JHY: variants seen among roughly 807,000 people sequenced by gnomAD.
The protein encoded by JHY is junctional cadherin complex regulator.
A neutral mutation model predicts 78.0 loss-of-function variants in JHY; 69 were observed. That is an observed-to-expected ratio of 0.88 (90% confidence interval 0.73 to 1.08). JHY has a LOEUF of 1.08. Among genes scored for constraint, JHY ranks in the 50% least tolerant of loss-of-function variants. JHY has a pLI of 0.00. For missense variants in JHY, 944 were observed against 927.8 expected, an observed-to-expected ratio of 1.02 and a Z score of -0.23; for synonymous variants, 368 against 342.6, an observed-to-expected ratio of 1.07 and a Z score of -0.82.
intron 3 of JHY, among the ~76,000 whole-genome samples, chr11:122,909,420 T>C (rs1463704647): frequency 6.6e-6 from 1 of 152,220 alleles, no homozygotes; most frequent in Non-Finnish European, 1.5e-5. Context: ...TGCAAATTAC[T>C]AAACCTCTCT....
intron 5 of JHY, among the ~76,000 whole-genome samples, chr11:122,936,426 CTT>C (rs761664487): frequency 1.4e-5 from 2 of 142,898 alleles, no homozygotes; most frequent in Admixed American, 7.0e-5. Flanking sequence ...GCATCTTTGT[CTT>C]TTTTTTTTTT....
intron 8 of JHY, among the ~76,000 whole-genome samples, chr11:122,958,334 A>G (rs1565341757): frequency 6.6e-6 from 1 of 152,212 alleles, no homozygotes; most frequent in Non-Finnish European, 1.5e-5. Context: ...TCTTTCACAG[A>G]CCATCATATT....
chr11:122,923,799 C>A (rs768632489), intron 3 of JHY, among the ~76,000 whole-genome samples: 1 of 151,686 alleles, frequency 6.6e-6, no homozygotes, highest in African/African-American at 2.4e-5. Flanking sequence ...CTGACAGCAA[C>A]CTCCGCCTCC....
intron 3 of JHY, among the ~76,000 whole-genome samples, chr11:122,916,813 A>G (rs1038713969): frequency 6.6e-6 from 1 of 151,830 alleles, no homozygotes; most frequent in Non-Finnish European, 1.5e-5. Flanking sequence ...TAAATTTTGT[A>G]TTTTTAGTAG....
rs772352861 is a variant in JHY, at chr11:122,886,190, A to T, written c.341A>T (p.Asn114Ile). The T allele has an allele frequency of 1.2e-6, 2 of 1,607,710 alleles. No homozygotes were observed. The highest frequency in any genetic ancestry group is 2.7e-5 in the African/African-American group (2 of 74,788). The change falls in exon 2 of 9, where the codon AAC becomes ATC. Residue 114 changes from asparagine (N) to isoleucine (I), a missense_variant. Asn to Ile is a moderately radical substitution (Grantham distance 149). Transcript: ENST00000227349. The part of the protein sequence containing the change: ...NHHTWDQGAN[N>I]RQQPIEDKYS... Reference sequence around the variant, plus strand: ...CATACCTGGGACCAGGGCGCCAATAACAGGTAAGGAATTGGCTTGTGTAAG... The same window carrying T: ...CATACCTGGGACCAGGGCGCCAATATCAGGTAAGGAATTGGCTTGTGTAAG...
At chr11:122,888,284 T>C (rs1388482513) in intron 2 of JHY, among the ~76,000 whole-genome samples, 1 of 152,186 alleles carries the variant, frequency 6.6e-6, no homozygotes, top group African/African-American at 2.4e-5. Context: ...AGGAAGATTA[T>C]TATGCAAGCT....
In JHY at chr11:122,923,512, C is replaced by G. The variant is rs1450895601; in HGVS notation, c.865-1385C>G. ...AGATTGCATAACTTTAAGTTTGCTT[C>G]CTGCAGTACATCCTGATGGCTGGAA... On this transcript the variant is annotated intron_variant, in intron 3 of 8. Coordinates refer to ENST00000227349, the MANE Select transcript of JHY (RefSeq NM_024806.4). Among the ~76,000 whole-genome samples, 3 of 152,108 alleles carry G rather than the reference C, an allele frequency of 2.0e-5. No homozygotes were observed. The East Asian group carries it at 5.8e-4, about 29-fold the overall frequency.
intron 3 of JHY, among the ~76,000 whole-genome samples, chr11:122,922,142 G>A (rs1459864602): frequency 6.6e-6 from 1 of 152,190 alleles, no homozygotes; most frequent in Non-Finnish European, 1.5e-5. Flanking sequence ...AGAATTTCAT[G>A]ATCAAACAGT....
intron 3 of JHY, chr11:122,905,250 G>A (rs1862963272): frequency 1.9e-6 from 3 of 1,613,918 alleles, no homozygotes; most frequent in Non-Finnish European, 2.5e-6. Context: ...CCATTTCACA[G>A]GTGCACATAA....
chr11:122,901,293 A>G (rs1471292745), intron 2 of JHY, among the ~76,000 whole-genome samples: 1 of 152,210 alleles, frequency 6.6e-6, no homozygotes, highest in African/African-American at 2.4e-5. Context: ...TCTCTGGGTG[A>G]GGCAGTGCGT....
chr11:122,913,442 CT>C lies in JHY; in HGVS notation c.864+8999del, dbSNP rs571342024. ...TGTTACCTTCAAAATAAAACTCAAA[CT>C]CTGAGTGGTACGAAAGGCCCTTCCT... On this transcript the variant is annotated intron_variant, in intron 3 of 8. Coordinates refer to ENST00000227349, the MANE Select transcript of JHY (RefSeq NM_024806.4). Among the ~76,000 whole-genome samples, 337 of 152,266 alleles carry C rather than the reference CT, an allele frequency of 2.2e-3. 1 individual carries two copies. The highest frequency in any genetic ancestry group is 7.8e-3 in the African/African-American group (323 of 41,530).
chr11:122,892,307 G>A (rs1862634847), intron 2 of JHY, among the ~76,000 whole-genome samples: 1 of 151,556 alleles, frequency 6.6e-6, no homozygotes, highest in African/African-American at 2.4e-5. Context: ...AAAAAAAAAA[G>A]GGACTCATAA....
intron 7 of JHY, 93 bp downstream of exon 7, chr11:122,956,669 T>G: frequency 1.0e-6 from 1 of 1,004,212 alleles, no homozygotes; most frequent in Non-Finnish European, 1.5e-6. Context: ...AATTAAACCC[T>G]AATTCAAATG....
At position 122,904,449 on chromosome 11, in the gene JHY, G is replaced by C. The variant is rs762339764; in HGVS notation, c.864+5G>C. Reference sequence around the variant, plus strand: ...GGGGAATCTCATCCAGAACAGGTACGTAGTGGCTACTTTAAAATGTCTTCT... The same window carrying C: ...GGGGAATCTCATCCAGAACAGGTACCTAGTGGCTACTTTAAAATGTCTTCT... On this transcript the variant is annotated splice_donor_5th_base_variant and intron_variant, in intron 3 of 8. Coordinates refer to ENST00000227349, the MANE Select transcript of JHY (RefSeq NM_024806.4). 13 of 1,596,860 alleles carry C rather than the reference G, an allele frequency of 8.1e-6. No homozygotes were observed. The South Asian group carries it at 1.2e-4, about 15-fold the overall frequency.
chr11:122,887,762 G>C (rs548006207), intron 2 of JHY, among the ~76,000 whole-genome samples: 1 of 152,230 alleles, frequency 6.6e-6, no homozygotes, highest in South Asian at 2.1e-4. Context: ...GCACATTAGG[G>C]AGCCCAGCTG....
chr11:122,914,447 TTTTG>T (rs1412781493), intron 3 of JHY, among the ~76,000 whole-genome samples: 2 of 152,052 alleles, frequency 1.3e-5, no homozygotes, highest in African/African-American at 2.4e-5. Flanking sequence ...TTTTTGTTTT[TTTTG>T]TTTGTTTTTT....
At chr11:122,957,057 G>A (rs923853804) in intron 7 of JHY, among the ~76,000 whole-genome samples, 1 of 152,180 alleles carries the variant, frequency 6.6e-6, no homozygotes. Flanking sequence ...ATAGTTCAAA[G>A]TTGGAAGCAA....
At chr11:122,930,380 A>T (rs1863612500) in intron 4 of JHY, among the ~76,000 whole-genome samples, 1 of 152,166 alleles carries the variant, frequency 6.6e-6, no homozygotes, top group Non-Finnish European at 1.5e-5. Context: ...GTGCCCAGCC[A>T]AGAAAGAGAT....
chr11:122,953,660 T>C (rs1004549347), intron 6 of JHY, among the ~76,000 whole-genome samples: 1 of 151,858 alleles, frequency 6.6e-6, no homozygotes, highest in South Asian at 2.1e-4. Flanking sequence ...AATGGACAAT[T>C]GTATGAAAGT....
Sources: gnomAD v4.1 joint callset for allele counts (sites outside exome capture counted in the v4.1 genomes callset) on GRCh38, gnomAD v4.1.1 for gene constraint, MANE v1.5 for transcripts, NCBI Gene and HGNC (gene_info 2026-07-23, HGNC 2026-07-21) for gene names.